The following BBX variants were observed in gnomAD, a reference collection of about 807,000 sequenced individuals.
BBX encodes BBX high mobility group box domain containing.
Under a neutral mutation model 100.2 loss-of-function variants are expected in BBX, and 30 were observed. The observed-to-expected ratio is 0.30, with a 90% confidence interval of 0.22 to 0.41. The LOEUF is 0.41. Among genes scored for constraint, BBX ranks in the 10% least tolerant of loss-of-function variants. BBX has a pLI of 1.00. For synonymous variants in BBX, 376 were observed against 388.1 expected, an observed-to-expected ratio of 0.97 and a Z score of 0.37; for missense variants, 1,023 against 1,129.8, an observed-to-expected ratio of 0.91 and a Z score of 1.35.
intron 6 of BBX, among the ~76,000 whole-genome samples, chr3:107,732,115 C>T (rs557154170): frequency 5.7e-4 from 87 of 152,044 alleles, no homozygotes; most frequent in Non-Finnish European, 8.5e-4. Context: ...TGCAGTGTTG[C>T]GATCTTAGCT....
intron 3 of BBX, among the ~76,000 whole-genome samples, chr3:107,683,175 T>C (rs932462701): frequency 1.3e-5 from 2 of 152,154 alleles, no homozygotes; most frequent in Non-Finnish European, 2.9e-5. Flanking sequence ...AATGTTACTG[T>C]AAATGCATTT....
intron 9 of BBX, 67 bp from the exon 10 acceptor site, chr3:107,755,531 T>C (rs746679039): frequency 1.4e-6 from 2 of 1,404,568 alleles, no homozygotes; most frequent in Non-Finnish European, 2.0e-6. Context: ...CCTGAATGTA[T>C]ATGAATGAGA....
Position 107,522,990 on chromosome 3 carries a change from A to G in BBX, c.-273A>G, listed in dbSNP as rs1390865795. 6.5e-6 allele frequency: 1 copy of G among 153,072 alleles called. No individual in the cohort carries two copies. Among genetic ancestry groups the G allele is most frequent in the Non-Finnish European group, 1.5e-5 (1 of 68,594 alleles). The allele number at this position is 153,072 out of a possible 1,614,324, so 9.5% of individuals were successfully genotyped here. A position where few individuals can be genotyped will look rare whatever the true frequency, so the allele number is the denominator to read the frequency against. The stretch of plus-strand genomic sequence containing the variant: ...GCATGTACTGTATGTGGAGCAGTGT[A>G]CAGTGAAGCGGAGGCAGAGCGGCTC... On this transcript the variant is annotated 5_prime_UTR_variant, in exon 1 of 18. Coordinates refer to ENST00000325805, the MANE Select transcript of BBX (RefSeq NM_001142568.3).
intron 2 of BBX, among the ~76,000 whole-genome samples, chr3:107,628,437 A>G (rs1349561111): frequency 6.6e-6 from 1 of 152,098 alleles, no homozygotes; most frequent in Non-Finnish European, 1.5e-5. Context: ...CTCAACTCAG[A>G]TGTCAAAATA....
intron 3 of BBX, among the ~76,000 whole-genome samples, chr3:107,698,310 AAT>A (rs1418769901): frequency 4.6e-5 from 7 of 151,548 alleles, no homozygotes; most frequent in South Asian, 2.1e-4. Context: ...GATGAAATTT[AAT>A]ATATATATAT....
intron 2 of BBX, among the ~76,000 whole-genome samples, chr3:107,574,175 G>A (rs992475874): frequency 1.3e-5 from 2 of 152,122 alleles, no homozygotes; most frequent in African/African-American, 4.8e-5. Flanking sequence ...AAGACCTTTG[G>A]AAGATTATAT....
intron 2 of BBX, among the ~76,000 whole-genome samples, chr3:107,610,330 G>T (rs74971584): frequency 0.2 from 29,677 of 151,904 alleles, 3,152 homozygotes; most frequent in African/African-American, 0.27. Flanking sequence ...TGTGTATTTT[G>T]CAGCTATTGG....
At chr3:107,753,507 CTGTT>C (rs2065235262) in intron 9 of BBX, among the ~76,000 whole-genome samples, 1 of 152,180 alleles carries the variant, frequency 6.6e-6, no homozygotes, top group African/African-American at 2.4e-5. Flanking sequence ...ATAAGGAAAA[CTGTT>C]CTTACTAAAC....
At position 107,801,076 on chromosome 3, in the gene BBX, G is replaced by A; in HGVS notation, c.2552-19G>A. On this transcript the variant is annotated intron_variant, in intron 16 of 17. Transcript: ENST00000325805. ...AGAACAGAGTGATCCTCTCATGATG[G>A]ATTTCTCTTTTGTTACAGATGACAA... 6.2e-7 allele frequency: 1 copy of A among 1,611,922 alleles called. No individual in the cohort carries two copies. Among genetic ancestry groups the A allele is most frequent in the Non-Finnish European group, 8.5e-7 (1 of 1,178,816 alleles).
At chr3:107,753,931 T>G (rs530226077) in intron 9 of BBX, among the ~76,000 whole-genome samples, 2 of 152,314 alleles carry the variant, frequency 1.3e-5, no homozygotes, top group East Asian at 3.9e-4. Context: ...TGTTTATGTT[T>G]ATTAAGTGTT....
chr3:107,539,791 T>C (rs188469744), intron 2 of BBX, among the ~76,000 whole-genome samples: 40 of 152,356 alleles, frequency 2.6e-4, no homozygotes, highest in Admixed American at 2.6e-3. Context: ...CCAAGTGGAC[T>C]ATCCTGTTCA....
chr3:107,765,554 C>G (rs2066322318), intron 10 of BBX, among the ~76,000 whole-genome samples: 1 of 152,114 alleles, frequency 6.6e-6, no homozygotes, highest in Admixed American at 6.5e-5. Flanking sequence ...TCAAGCGATC[C>G]TCTTGCCTCA....
intron 9 of BBX, among the ~76,000 whole-genome samples, chr3:107,749,672 T>C (rs1456995590): frequency 6.6e-6 from 1 of 151,666 alleles, no homozygotes; most frequent in Non-Finnish European, 1.5e-5. Flanking sequence ...TCGCCCTCAT[T>C]ACCTAGGCTG....
At chr3:107,638,256 T>C (rs1418069991) in intron 2 of BBX, among the ~76,000 whole-genome samples, 3 of 151,968 alleles carry the variant, frequency 2.0e-5, no homozygotes, top group African/African-American at 4.8e-5. Flanking sequence ...CTTCTCAGTA[T>C]GTTGCCCAGG....
At chr3:107,548,905 C>T (rs1214689867) in intron 2 of BBX, among the ~76,000 whole-genome samples, 2 of 152,122 alleles carry the variant, frequency 1.3e-5, no homozygotes, top group African/African-American at 4.8e-5. Context: ...AACCAAATAC[C>T]ACATTCTCTC....
chr3:107,753,732 C>A (rs2065253567), intron 9 of BBX, among the ~76,000 whole-genome samples: 2 of 152,174 alleles, frequency 1.3e-5, no homozygotes, highest in South Asian at 4.1e-4. Context: ...AACAGAAAAA[C>A]AGCATGGGTG....
chr3:107,533,824 T>A (rs1252640535), intron 2 of BBX, among the ~76,000 whole-genome samples: 1 of 151,102 alleles, frequency 6.6e-6, no homozygotes, highest in Non-Finnish European at 1.5e-5. Flanking sequence ...ACCTGCACAT[T>A]TTTTTTTCCA....
intron 2 of BBX, among the ~76,000 whole-genome samples, chr3:107,624,452 G>A (rs9817583): frequency 0.11 from 16,590 of 152,184 alleles, 1,233 homozygotes; most frequent in Middle Eastern, 0.19. Flanking sequence ...AAAATATACA[G>A]TGTATGAAAA....
At chr3:107,546,249 G>A (rs2049230878) in intron 2 of BBX, among the ~76,000 whole-genome samples, 1 of 152,154 alleles carries the variant, frequency 6.6e-6, no homozygotes, top group African/African-American at 2.4e-5. Context: ...TCCTAAGACT[G>A]TGCCAAGATG....
Sources: gnomAD v4.1 joint callset for allele counts (sites outside exome capture counted in the v4.1 genomes callset) on GRCh38, gnomAD v4.1.1 for gene constraint, MANE v1.5 for transcripts, NCBI Gene and HGNC (gene_info 2026-07-23, HGNC 2026-07-21) for gene names.